FRAS1: variants seen among roughly 807,000 people sequenced by gnomAD.
FRAS1 encodes Fraser extracellular matrix complex subunit 1.
In FRAS1, 290 loss-of-function variants were observed where a neutral mutation model predicts 435.2. The observed-to-expected ratio is 0.67, with a 90% CI of 0.61 to 0.73. The LOEUF (loss-of-function observed/expected upper bound fraction) is 0.73. Among genes scored for constraint, FRAS1 ranks in the 30% least tolerant of loss-of-function variants. The pLI is 0.00. For missense variants in FRAS1, 4,860 were observed against 5,001.5 expected (o/e 0.97, Z 0.85); for synonymous variants, 1,800 against 1,851.0 (o/e 0.97, Z 0.71).
At chr4:78,116,406 A>G (rs1176256363) in intron 2 of FRAS1, among the ~76,000 whole-genome samples, 1 of 152,124 alleles carries the variant, frequency 6.6e-6, no homozygotes. Flanking sequence ...TGTCTCGTTG[A>G]TCTGTCTAAT....
chr4:78,532,281 T>A (rs1721739697), intron 70 of FRAS1, among the ~76,000 whole-genome samples: 1 of 152,340 alleles, frequency 6.6e-6, no homozygotes, highest in South Asian at 2.1e-4. Context: ...TTCCTCTTCC[T>A]GGAGGGCTTC....
At chr4:78,172,754 A>G (rs1014660422) in intron 2 of FRAS1, among the ~76,000 whole-genome samples, 27 of 149,130 alleles carry the variant, frequency 1.8e-4, no homozygotes, top group African/African-American at 5.9e-4. Flanking sequence ...AAAAGTCACC[A>G]TTTTTTTTTT....
chr4:78,325,003 CAAT>C (rs1445593907), intron 18 of FRAS1, among the ~76,000 whole-genome samples: 1 of 152,076 alleles, frequency 6.6e-6, no homozygotes, highest in Non-Finnish European at 1.5e-5. Flanking sequence ...CTCTGTACAA[CAAT>C]AATGAGTTTT....
intron 19 of FRAS1, among the ~76,000 whole-genome samples, chr4:78,335,115 A>G (rs1730120461): frequency 6.6e-6 from 1 of 152,250 alleles, no homozygotes; most frequent in African/African-American, 2.4e-5. Flanking sequence ...TGAGGACACT[A>G]GGGCGATCTT....
intron 59 of FRAS1, 125 bp downstream of exon 59, chr4:78,489,205 A>C (rs1459061155): frequency 2.4e-6 from 2 of 822,002 alleles, no homozygotes; most frequent in East Asian, 5.4e-5. Flanking sequence ...ACCCTTGAAC[A>C]ATGCAGGGGA....
chr4:78,185,063 C>T (rs1298964372), intron 2 of FRAS1, among the ~76,000 whole-genome samples: 1 of 152,200 alleles, frequency 6.6e-6, no homozygotes, highest in Non-Finnish European at 1.5e-5. Context: ...CCCTGGCATT[C>T]AACCCCAGGA....
chr4:78,450,166 T>C lies in FRAS1; in HGVS notation c.6290T>C (p.Ile2097Thr). Reference sequence around the variant, plus strand: ...CTCTTCCAAGGGTCTGTAGCACGCATCACAGAACAGCACTTGAAAGTGACA... The same window carrying C: ...CTCTTCCAAGGGTCTGTAGCACGCACCACAGAACAGCACTTGAAAGTGACA... ...LQLSAGSVARITEQHLKVTDI... is the reference protein window; with the variant it reads ...LQLSAGSVARTTEQHLKVTDI... The change falls in exon 45 of 74, where the codon ATC (isoleucine) becomes ACC (threonine). Residue 2097 changes from isoleucine to threonine, a missense_variant. Ile to Thr is a moderately conservative substitution (Grantham distance 89). Coordinates refer to ENST00000512123, the MANE Select transcript of FRAS1 (RefSeq NM_025074.7). 6.2e-7 allele frequency: 1 copy of C among 1,613,468 alleles called. No homozygotes were observed. The highest frequency in any genetic ancestry group is 1.1e-5 in the South Asian group (1 of 91,052).
chr4:78,065,605 T>A (rs1213717582), intron 1 of FRAS1, among the ~76,000 whole-genome samples: 1 of 152,206 alleles, frequency 6.6e-6, no homozygotes, highest in Non-Finnish European at 1.5e-5. Flanking sequence ...CCTCTTGGGT[T>A]GGACTGGAGG....
At chr4:78,122,010 G>T (rs779883145) in intron 2 of FRAS1, among the ~76,000 whole-genome samples, 20 of 152,084 alleles carry the variant, frequency 1.3e-4, no homozygotes, top group Non-Finnish European at 2.5e-4. Context: ...TAAGTTCTGG[G>T]TTACATGTGC....
intron 2 of FRAS1, among the ~76,000 whole-genome samples, chr4:78,189,304 T>C (rs1275417859): frequency 6.6e-6 from 1 of 152,240 alleles, no homozygotes; most frequent in Admixed American, 6.5e-5. Context: ...TGGAGATGAA[T>C]GGACGAGGTA....
At chr4:78,305,394 T>C (rs1433833511) in intron 14 of FRAS1, among the ~76,000 whole-genome samples, 1 of 150,720 alleles carries the variant, frequency 6.6e-6, no homozygotes, top group Non-Finnish European at 1.5e-5. Flanking sequence ...GGTGCAGAGC[T>C]GAGTTCAATT....
At chr4:78,235,133 T>C (rs1294758009) in intron 2 of FRAS1, among the ~76,000 whole-genome samples, 3 of 152,206 alleles carry the variant, frequency 2.0e-5, no homozygotes, top group African/African-American at 7.2e-5. Flanking sequence ...GGTCACTAAC[T>C]GATTGGATGA....
At chr4:78,385,956 A>G (rs914087820) in intron 28 of FRAS1, among the ~76,000 whole-genome samples, 1 of 151,778 alleles carries the variant, frequency 6.6e-6, no homozygotes, top group Non-Finnish European at 1.5e-5. Flanking sequence ...CAGTCTTACA[A>G]CTTACTGGTT....
Position 78,488,992 on chromosome 4 carries a change from C to G in FRAS1, c.8870C>G (p.Thr2957Ser). The G allele has an allele frequency of 6.2e-7, 1 of 1,613,730 alleles. No homozygotes were observed. The highest frequency in any genetic ancestry group is 8.5e-7 in the Non-Finnish European group (1 of 1,179,782). The part of the protein sequence containing the change: ...LSYESSVRCY[T>S]QSHSAQVMED... ...TATGAGTCATCAGTGAGGTGCTATA[C>G]TCAGAGCCATTCCGCTCAGGTCATG... The change falls in exon 59 of 74, where the codon ACT (threonine) becomes AGT (serine). Residue 2957 changes from threonine (T) to serine (S), a missense_variant. Physicochemically the swap from Thr to Ser is moderately conservative, Grantham distance 58 (BLOSUM62 1). Transcript: ENST00000512123.
chr4:78,116,568 C>G (rs1743194499), intron 2 of FRAS1, among the ~76,000 whole-genome samples: 1 of 152,128 alleles, frequency 6.6e-6, no homozygotes, highest in Admixed American at 6.6e-5. Context: ...TGAATTGATC[C>G]CTTTACCATT....
At chr4:78,423,172 C>CTT (rs538467173) in intron 34 of FRAS1, among the ~76,000 whole-genome samples, 3 of 144,470 alleles carry the variant, frequency 2.1e-5, no homozygotes, top group Admixed American at 7.0e-5. Flanking sequence ...TTTTCTTTTT[C>CTT]TTTTTTTTTT....
At position 78,508,070 on chromosome 4, in the gene FRAS1, T is replaced by C. The variant is rs185582004; in HGVS notation, c.9504+462T>C. On this transcript the variant is annotated intron_variant, in intron 62 of 73. Coordinates refer to ENST00000512123, the MANE Select transcript of FRAS1 (RefSeq NM_025074.7). ...AGAAGGTAATACTACCTCATATCTATCATCCCACATATTCACTATATTTAT... is the reference window on the plus strand; with the variant it reads ...AGAAGGTAATACTACCTCATATCTACCATCCCACATATTCACTATATTTAT... Among the ~76,000 whole-genome samples, 38 of 152,322 alleles carry C rather than the reference T, an allele frequency of 2.5e-4. No homozygotes were observed. The East Asian group carries it at 6.7e-3, about 27-fold the overall frequency.
intron 2 of FRAS1, among the ~76,000 whole-genome samples, chr4:78,118,065 G>T (rs1052925980): frequency 1.3e-5 from 2 of 152,218 alleles, no homozygotes; most frequent in Non-Finnish European, 2.9e-5. Context: ...ACCCTCAGCT[G>T]CAGGTCTGTT....
chr4:78,439,075 C>A lies in FRAS1; in HGVS notation c.5529+11C>A. The A allele has an allele frequency of 1.2e-6, 2 of 1,607,642 alleles. No homozygotes were observed. The highest frequency in any genetic ancestry group is 1.7e-6 in the Non-Finnish European group (2 of 1,175,512). On this transcript the variant is annotated intron_variant, in intron 40 of 73. Transcript: ENST00000512123. ...GCTGACCTTATCACGGTAAACAATTCTCAGATCAATAAACAGTGAGTACTA... is the reference window on the plus strand; with the variant it reads ...GCTGACCTTATCACGGTAAACAATTATCAGATCAATAAACAGTGAGTACTA...
Sources: allele counts gnomAD v4.1 joint callset (sites outside exome capture counted in the v4.1 genomes callset), GRCh38; gene constraint gnomAD v4.1.1; transcripts MANE v1.5; gene names NCBI Gene and HGNC (gene_info 2026-07-23, HGNC 2026-07-21).